The following ADCY8 variants were observed in gnomAD, a reference collection of about 807,000 sequenced individuals.
ADCY8 encodes the protein adenylate cyclase type 8.
ADCY8 carries 51 observed loss-of-function variants against 119.7 expected under a neutral mutation model. The ratio of observed to expected loss-of-function variants is 0.43; its 90% CI spans 0.34 to 0.54. The LOEUF is 0.54. Among genes scored for constraint, ADCY8 ranks in the 20% least tolerant of loss-of-function variants. ADCY8 has a pLI of 0.03. For synonymous variants in ADCY8, 665 were observed against 651.0 expected (o/e 1.02, Z -0.33); for missense variants, 1,383 against 1,598.8 (o/e 0.87, Z 2.30).
chr8:130,800,618 C>G (rs1303637718), intron 14 of ADCY8, 46 bp from the exon 15 acceptor site: 3 of 1,608,326 alleles, frequency 1.9e-6, no homozygotes, highest in South Asian at 1.1e-5. Flanking sequence ...CATCAGAGGT[C>G]GGTTCTGCAG....
intron 4 of ADCY8, among the ~76,000 whole-genome samples, chr8:130,937,846 T>C (rs1820834985): frequency 6.6e-6 from 1 of 152,174 alleles, no homozygotes; most frequent in Admixed American, 6.5e-5. Flanking sequence ...TAGCTCCTAT[T>C]ATGCACTATA....
chr8:130,913,821 G>A (rs78653149), intron 5 of ADCY8, among the ~76,000 whole-genome samples: 13,558 of 152,224 alleles, frequency 0.089, 649 homozygotes, highest in Non-Finnish European at 0.1. Context: ...TGTTGTCACT[G>A]TAGTATGAGG....
At chr8:131,027,045 G>C (rs1438092415) in intron 1 of ADCY8, among the ~76,000 whole-genome samples, 1 of 152,106 alleles carries the variant, frequency 6.6e-6, no homozygotes, top group African/African-American at 2.4e-5. Context: ...TCTTTCCTTG[G>C]GAAGTGTGTT....
chr8:130,917,502 A>G (rs1409730779), intron 5 of ADCY8, among the ~76,000 whole-genome samples: 1 of 152,164 alleles, frequency 6.6e-6, no homozygotes, highest in Non-Finnish European at 1.5e-5. Flanking sequence ...ACTCACATTC[A>G]AAAGCAGGGT....
intron 11 of ADCY8, among the ~76,000 whole-genome samples, chr8:130,847,173 A>C (rs926499217): frequency 6.6e-6 from 1 of 152,046 alleles, no homozygotes; most frequent in African/African-American, 2.4e-5. Flanking sequence ...AGGGAGAAAG[A>C]AATGAGGAAG....
chr8:130,813,387 A>C (rs547214132), intron 14 of ADCY8, among the ~76,000 whole-genome samples: 1 of 152,166 alleles, frequency 6.6e-6, no homozygotes, highest in African/African-American at 2.4e-5. Flanking sequence ...AATAACTCCA[A>C]TTCTCCCCTC....
At chr8:130,979,016 A>C (rs1822157734) in intron 2 of ADCY8, among the ~76,000 whole-genome samples, 1 of 152,144 alleles carries the variant, frequency 6.6e-6, no homozygotes, top group South Asian at 2.1e-4. Context: ...ACTTAGGTCT[A>C]ATGCTGGTTG....
chr8:130,979,249 A>C (rs1695942142), intron 2 of ADCY8, among the ~76,000 whole-genome samples: 1 of 152,128 alleles, frequency 6.6e-6, no homozygotes. Flanking sequence ...CCTTCATTGG[A>C]AGCTGGCACC....
intron 5 of ADCY8, among the ~76,000 whole-genome samples, chr8:130,922,534 A>G (rs1820344118): frequency 6.6e-6 from 1 of 152,076 alleles, no homozygotes; most frequent in African/African-American, 2.4e-5. Context: ...GGGTAAGGTC[A>G]CAGATCAACA....
At chr8:131,023,694 G>C (rs1823743068) in intron 1 of ADCY8, among the ~76,000 whole-genome samples, 1 of 152,162 alleles carries the variant, frequency 6.6e-6, no homozygotes, top group Non-Finnish European at 1.5e-5. Flanking sequence ...TCATTTAATG[G>C]TTGTTTGATA....
At chr8:130,814,435 C>A (rs1816274406) in intron 13 of ADCY8, among the ~76,000 whole-genome samples, 1 of 152,208 alleles carries the variant, frequency 6.6e-6, no homozygotes, top group Non-Finnish European at 1.5e-5. Context: ...CTGCCTTTCA[C>A]AGCATTATTG....
intron 5 of ADCY8, among the ~76,000 whole-genome samples, chr8:130,916,568 C>A (rs1820135375): frequency 6.6e-6 from 1 of 152,222 alleles, no homozygotes. Context: ...AAAATCTCTG[C>A]AGCAATGTAA....
chr8:130,810,109 G>A (rs931838349), intron 14 of ADCY8, among the ~76,000 whole-genome samples: 51 of 152,312 alleles, frequency 3.3e-4, no homozygotes, highest in African/African-American at 1.2e-3. Context: ...CCTGGCATAA[G>A]AGGAAAAGGT....
chr8:130,956,576 A>G (rs1246592194), intron 2 of ADCY8, among the ~76,000 whole-genome samples: 1 of 152,198 alleles, frequency 6.6e-6, no homozygotes, highest in Non-Finnish European at 1.5e-5. Context: ...CTTATATACC[A>G]GTTGGTAAAC....
chr8:131,006,017 T>TTC (rs144960309), intron 1 of ADCY8, among the ~76,000 whole-genome samples: 1 of 150,806 alleles, frequency 6.6e-6, no homozygotes, highest in Non-Finnish European at 1.5e-5. Context: ...CCACTCCAAA[T>TTC]TCTCTCTCTC....
chr8:130,853,091 CG>C (rs1316266467), intron 9 of ADCY8, among the ~76,000 whole-genome samples: 2 of 152,176 alleles, frequency 1.3e-5, no homozygotes, highest in African/African-American at 4.8e-5. Flanking sequence ...CAGAAACTAT[CG>C]GGGGTGCTCA....
intron 11 of ADCY8, among the ~76,000 whole-genome samples, chr8:130,839,395 C>G (rs1186944825): frequency 7.2e-6 from 1 of 139,118 alleles, no homozygotes; most frequent in Non-Finnish European, 1.6e-5. Context: ...GAAAGGTGAA[C>G]CTTTTGGAGG....
At chr8:130,846,646 C>T (rs71522597) in intron 11 of ADCY8, among the ~76,000 whole-genome samples, 1 of 133,572 alleles carries the variant, frequency 7.5e-6, no homozygotes, top group African/African-American at 2.7e-5. Flanking sequence ...TTCCTTCCCT[C>T]CTTCCTTCCC....
intron 7 of ADCY8, among the ~76,000 whole-genome samples, chr8:130,895,797 A>G (rs1243716411): frequency 6.6e-6 from 1 of 152,162 alleles, no homozygotes; most frequent in Non-Finnish European, 1.5e-5. Flanking sequence ...TAAAAAAATT[A>G]CCTGTGGGGA....
Sources: gnomAD v4.1 joint callset for allele counts (sites outside exome capture counted in the v4.1 genomes callset) on GRCh38, gnomAD v4.1.1 for gene constraint, MANE v1.5 for transcripts, NCBI Gene and HGNC (gene_info 2026-07-23, HGNC 2026-07-21) for gene names.